Variants in GPR158 observed in about 807,000 individuals in gnomAD.
GPR158 encodes G protein-coupled receptor 158, also known as metabotropic glycine receptor.
Under a neutral mutation model 78.2 loss-of-function variants are expected in GPR158, and 30 were observed. The ratio of observed to expected loss-of-function variants is 0.38; its 90% CI spans 0.29 to 0.52. The LOEUF (loss-of-function observed/expected upper bound fraction) is 0.52, where lower values mean the gene tolerates loss of function less well. GPR158 is among the 20% of genes least tolerant of loss of function. The pLI is 0.83. For missense variants in GPR158, 1,463 were observed against 1,523.5 expected (o/e 0.96, Z 0.66); for synonymous variants, 581 against 591.1 (o/e 0.98, Z 0.25).
At chr10:25,421,165 CT>C (rs1834745797) in intron 4 of GPR158, among the ~76,000 whole-genome samples, 1 of 152,062 alleles carries the variant, frequency 6.6e-6, no homozygotes, top group Admixed American at 6.6e-5. Flanking sequence ...GTATATGAGC[CT>C]TTTGCCTCCT....
intron 4 of GPR158, 144 bp from the exon 5 acceptor site, chr10:25,466,507 C>T (rs1835426200): frequency 1.6e-5 from 9 of 556,604 alleles, no homozygotes; most frequent in Middle Eastern, 2.7e-4. Context: ...TTTTACCCAC[C>T]TGAATACTAA....
At chr10:25,284,500 A>G (rs1452560877) in intron 2 of GPR158, among the ~76,000 whole-genome samples, 1 of 151,700 alleles carries the variant, frequency 6.6e-6, no homozygotes, top group Non-Finnish European at 1.5e-5. Context: ...TATCTTTAAC[A>G]TATCTATGTT....
rs1853230535 is a variant in GPR158, at chr10:25,217,292, T to G, written c.903-3760T>G. 2.6e-5 allele frequency among the ~76,000 whole-genome samples: 4 copies of G among 152,182 alleles called. No individual in the cohort carries two copies. The South Asian group carries it at 8.3e-4, about 32-fold the overall frequency. On this transcript the variant is annotated intron_variant, in intron 1 of 10. Transcript: ENST00000376351. ...TTTAGTCTGGGTTAAGCAATATATG[T>G]TAAAGTTGTCTGTGGTCACTTCTGT... is the stretch of plus-strand genomic sequence containing the variant.
chr10:25,210,767 A>G (rs1853118575), intron 1 of GPR158, among the ~76,000 whole-genome samples: 1 of 152,158 alleles, frequency 6.6e-6, no homozygotes, highest in Non-Finnish European at 1.5e-5. Context: ...ATATCCTTGT[A>G]AATTTTAGAC....
In GPR158 at chr10:25,599,120, T is replaced by C. The variant is rs775403302; in HGVS notation, c.3494T>C (p.Leu1165Ser). ...TCAAGTAATAACTTCCAGCAACCTT[T>C]AACATCACGAGCAGAGGTTTGTCCT... Reference protein sequence around the residue: ...YNSSNNFQQPLTSRAEVCPWE... With the variant: ...YNSSNNFQQPSTSRAEVCPWE... The change falls in exon 11 of 11, where the codon TTA (leucine) becomes TCA (serine). Residue 1165 changes from leucine (L) to serine (S), a missense_variant. By Grantham distance (145) the Leu-to-Ser change is moderately radical. Transcript: ENST00000376351. 1.2e-5 allele frequency: 19 copies of C among 1,611,856 alleles called. No individual in the cohort carries two copies. In the South Asian group the frequency reaches 2.1e-4, roughly 18 times the overall value.
chr10:25,443,869 C>T (rs984638642), intron 4 of GPR158, among the ~76,000 whole-genome samples: 6 of 152,052 alleles, frequency 3.9e-5, no homozygotes, highest in East Asian at 3.9e-4. Flanking sequence ...ACTCCTCCAT[C>T]GCTCTCAATG....
intron 2 of GPR158, among the ~76,000 whole-genome samples, chr10:25,377,610 A>C (rs566414645): frequency 6.6e-6 from 1 of 152,026 alleles, no homozygotes; most frequent in Non-Finnish European, 1.5e-5. Context: ...TGGACATTTT[A>C]TATAAGTGAA....
At chr10:25,473,568 G>A (rs532509394) in intron 5 of GPR158, among the ~76,000 whole-genome samples, 7 of 152,230 alleles carry the variant, frequency 4.6e-5, no homozygotes, top group African/African-American at 1.4e-4. Flanking sequence ...GAATTCGGCT[G>A]TGAATCCATC....
intron 2 of GPR158, among the ~76,000 whole-genome samples, chr10:25,317,716 G>GTTTTGTTTTTTTTTTTTTTTTTTTTT (rs1554793351): frequency 7.5e-6 from 1 of 134,064 alleles, no homozygotes. Flanking sequence ...TTCGTAAAGT[G>GTTTTGTTTTTTTTTTTTTTTTTTTTT]TTTTTTTTTG....
At chr10:25,491,141 G>T (rs1835803921) in intron 5 of GPR158, among the ~76,000 whole-genome samples, 1 of 152,164 alleles carries the variant, frequency 6.6e-6, no homozygotes, top group African/African-American at 2.4e-5. Flanking sequence ...ATGTGTGTGT[G>T]TATCAAAAAT....
chr10:25,378,312 G>A (rs1834110863), intron 2 of GPR158, among the ~76,000 whole-genome samples: 1 of 151,970 alleles, frequency 6.6e-6, no homozygotes, highest in Non-Finnish European at 1.5e-5. Flanking sequence ...TTGTATAAAT[G>A]TAACCATATT....
intron 4 of GPR158, among the ~76,000 whole-genome samples, chr10:25,436,483 G>A (rs1564455398): frequency 6.6e-6 from 1 of 152,208 alleles, no homozygotes; most frequent in Non-Finnish European, 1.5e-5. Context: ...CAAGGAAAAT[G>A]CCCAGAGCTG....
At chr10:25,590,758 T>C (rs1400570835) in intron 8 of GPR158, among the ~76,000 whole-genome samples, 2 of 152,202 alleles carry the variant, frequency 1.3e-5, no homozygotes, top group Non-Finnish European at 2.9e-5. Context: ...ATGGTCAAAA[T>C]GTGCTTATGT....
intron 2 of GPR158, among the ~76,000 whole-genome samples, chr10:25,227,265 A>G (rs1853386719): frequency 1.3e-5 from 2 of 152,238 alleles, no homozygotes; most frequent in Admixed American, 6.5e-5. Context: ...AGCGTTCACC[A>G]GTGGCTATCG....
intron 2 of GPR158, among the ~76,000 whole-genome samples, chr10:25,247,226 A>G (rs1402113478): frequency 6.6e-6 from 1 of 152,140 alleles, no homozygotes; most frequent in South Asian, 2.1e-4. Flanking sequence ...ATCTTATCAA[A>G]TACCTTCAAA....
At chr10:25,375,696 T>C (rs969521031) in intron 2 of GPR158, among the ~76,000 whole-genome samples, 1 of 151,656 alleles carries the variant, frequency 6.6e-6, no homozygotes, top group African/African-American at 2.4e-5. Context: ...CAAAAATTAG[T>C]TGGGCATATT....
At chr10:25,191,703 A>G (rs915428832) in intron 1 of GPR158, among the ~76,000 whole-genome samples, 9 of 152,206 alleles carry the variant, frequency 5.9e-5, no homozygotes, top group Admixed American at 2.0e-4. Flanking sequence ...GTTACAGGCC[A>G]TTCTGGGTAC....
At chr10:25,443,554 CAAAAAAA>C (rs67094533) in intron 4 of GPR158, among the ~76,000 whole-genome samples, 1 of 107,578 alleles carries the variant, frequency 9.3e-6, no homozygotes, top group East Asian at 3.0e-4. Context: ...GAGACTGTTT[CAAAAAAA>C]AAAAAAAAAA....
intron 6 of GPR158, among the ~76,000 whole-genome samples, chr10:25,555,511 G>A (rs942223842): frequency 2.0e-5 from 3 of 152,080 alleles, no homozygotes; most frequent in Non-Finnish European, 2.9e-5. Flanking sequence ...ATGATATGTG[G>A]GTTCACAGAA....
Sources: allele counts gnomAD v4.1 joint callset (sites outside exome capture counted in the v4.1 genomes callset), GRCh38; gene constraint gnomAD v4.1.1; transcripts MANE v1.5; gene names NCBI Gene and HGNC (gene_info 2026-07-23, HGNC 2026-07-21).